The following WDR4 variants were observed in gnomAD, a reference collection of about 807,000 sequenced individuals.
WDR4 encodes WDR4 tRNA N7-guanosine methyltransferase non-catalytic subunit.
In WDR4, 47 loss-of-function variants were observed where a neutral mutation model predicts 48.6. That is an observed-to-expected ratio of 0.97 (90% CI 0.77 to 1.23). The LOEUF (loss-of-function observed/expected upper bound fraction) is 1.23, where lower values mean the gene tolerates loss of function less well. Ranked by LOEUF, WDR4 falls within the 50% of genes most tolerant of loss-of-function variation. The pLI, the probability that WDR4 is intolerant of heterozygous loss-of-function variation, is 0.00. For synonymous variants in WDR4, 268 were observed against 230.0 expected, an observed-to-expected ratio of 1.17 and a Z score of -1.49; for missense variants, 606 against 551.6, an observed-to-expected ratio of 1.10 and a Z score of -0.99.
chr21:42,891,080 T>C, the WDR4 span, among the ~76,000 whole-genome samples: 1 of 152,156 alleles, frequency 6.6e-6, no homozygotes, highest in Non-Finnish European at 1.5e-5. Flanking sequence ...CCCAGCACTT[T>C]GGGAGGCCGA....
intron 1 of WDR4, 42 bp downstream of exon 1, chr21:42,879,344 TCGCCAGGACCCGACGCGCGCC>T (rs2058578447): frequency 6.4e-7 from 1 of 1,565,338 alleles, no homozygotes; most frequent in Non-Finnish European, 8.7e-7. Flanking sequence ...AGAAGCGGGG[TCGCCAGGACCCGACGCGCGCC>T]CGCAGCCTGG....
rs1048868557 is a variant in WDR4, at chr21:42,874,924, G to A, written c.156-1233C>T. ...TGATCTCTGTGACCCACACCTATTC[G>A]TACACTCCCTCCCCTTCTGAAAATC... On this transcript the variant is annotated intron_variant, in intron 2 of 10. Transcript: ENST00000398208. Among the ~76,000 whole-genome samples, 7 of 152,048 alleles carry A rather than the reference G, an allele frequency of 4.6e-5. No homozygotes were observed. In the East Asian group the frequency reaches 7.7e-4, roughly 17 times the overall value.
upstream of WDR4, among the ~76,000 whole-genome samples, chr21:42,883,337 C>T (rs527427720): frequency 1.1e-4 from 12 of 108,326 alleles, no homozygotes; most frequent in African/African-American, 3.9e-4. Flanking sequence ...TTTTTACAAA[C>T]TGGCAAGACG....
intron 9 of WDR4, among the ~76,000 whole-genome samples, chr21:42,853,327 A>G (rs189388887): frequency 6.6e-6 from 1 of 152,250 alleles, no homozygotes; most frequent in Non-Finnish European, 1.5e-5. Flanking sequence ...CACTCACCCA[A>G]AAAAAGAACT....
At chr21:42,851,470 C>T in intron 10 of WDR4, among the ~76,000 whole-genome samples, 1 of 152,206 alleles carries the variant, frequency 6.6e-6, no homozygotes, top group East Asian at 1.9e-4. Context: ...CTCCAGAGCT[C>T]CAAGGAACCT....
chr21:42,843,829 G>T (rs948525590), intron 11 of WDR4, among the ~76,000 whole-genome samples: 1 of 152,016 alleles, frequency 6.6e-6, no homozygotes, highest in Non-Finnish European at 1.5e-5. Context: ...AAAATGCTGG[G>T]ATTACAGGCG....
At position 42,852,252 on chromosome 21, in the gene WDR4, C is replaced by G. The variant is rs753601640; in HGVS notation, c.1045+3G>C. 1.2e-6 allele frequency: 2 copies of G among 1,613,984 alleles called. No homozygotes were observed. Among genetic ancestry groups the G allele is most frequent in the African/African-American group, 1.3e-5 (1 of 74,950 alleles). On this transcript the variant is annotated splice_donor_region_variant and intron_variant, in intron 10 of 10. Coordinates refer to ENST00000398208, the MANE Select transcript of WDR4 (RefSeq NM_018669.6). ...CAAGGGCAGCCTGCACCCGTGCTCT[C>G]ACCTTCCAGCATGGCCCAGTTCCCA...
intron 6 of WDR4, among the ~76,000 whole-genome samples, 184 bp downstream of exon 6, chr21:42,859,476 CCA>C (rs2058065672): frequency 6.6e-6 from 1 of 152,058 alleles, no homozygotes; most frequent in Non-Finnish European, 1.5e-5. Context: ...TACGCACACC[CCA>C]CACGCAGTCC....
intron 3 of WDR4, among the ~76,000 whole-genome samples, chr21:42,869,758 C>A (rs2058327627): frequency 6.6e-6 from 1 of 152,138 alleles, no homozygotes; most frequent in African/African-American, 2.4e-5. Flanking sequence ...ACCTGTAATC[C>A]CGGCACCCTG....
rs993802920 is a variant in WDR4 at position 42,873,785 on chromosome 21, A to G, written c.156-94T>C. ...GCGTGGTAATTTCTAACATGGGAGG[A>G]GGTAGAAACTGTTAAGGGGATCACG... On this transcript the variant is annotated intron_variant, in intron 2 of 10. Coordinates refer to ENST00000398208, the MANE Select transcript of WDR4 (RefSeq NM_018669.6). 4.9e-5 allele frequency: 73 copies of G among 1,475,198 alleles called. No individual in the cohort carries two copies. In the Middle Eastern group the frequency reaches 8.8e-4, roughly 18 times the overall value. 91.4% of individuals were successfully genotyped at this position (1,475,198 alleles called of 1,614,324 possible). A position where few individuals can be genotyped will look rare whatever the true frequency, so the allele number is the denominator to read the frequency against.
chr21:42,855,660 A>C, intron 7 of WDR4, 22 bp downstream of exon 7: 1 of 1,530,976 alleles, frequency 6.5e-7, no homozygotes, highest in Non-Finnish European at 8.8e-7. Flanking sequence ...TCAGTCGCCC[A>C]GGAGTGAACA....
chr21:42,863,571 G>C lies in WDR4; in HGVS notation c.322C>G (p.Leu108Val), dbSNP rs778623204. The C allele has an allele frequency of 1.3e-5, 21 of 1,613,866 alleles. No homozygotes were observed. Among genetic ancestry groups the C allele is most frequent in the Non-Finnish European group, 1.5e-5 (18 of 1,179,946 alleles). The change falls in exon 4 of 11, where the codon CTG becomes GTG. Residue 108 changes from leucine (L) to valine (V), a missense_variant. By Grantham distance (32) the Leu-to-Val change is conservative (BLOSUM62 1). Coordinates refer to ENST00000398208, the MANE Select transcript of WDR4 (RefSeq NM_018669.6). ...VRTVARRCTA[L>V]TFIASEEKVL... ...TTCTCCTCCGAGGCTATGAAAGTCA[G>C]GGCTGTACACCTCCTTGCCACGGTC...
At chr21:42,843,213 C>T (rs1437079239) in exon 12 of WDR4, 2 of 152,146 alleles carry the variant, frequency 1.3e-5, no homozygotes, top group East Asian at 3.9e-4. Context: ...AGCTCATCGT[C>T]GGCCGACAGA....
upstream of WDR4, among the ~76,000 whole-genome samples, chr21:42,884,200 T>C (rs1294684769): frequency 6.6e-6 from 1 of 152,244 alleles, no homozygotes; most frequent in East Asian, 1.9e-4. Context: ...CAGTTTGGGA[T>C]TTCCCACCTT....
chr21:42,848,023 AGAG>A (rs1463128823), downstream of WDR4, among the ~76,000 whole-genome samples: 1 of 152,236 alleles, frequency 6.6e-6, no homozygotes, highest in African/African-American at 2.4e-5. Context: ...TCCCCAGCAG[AGAG>A]GAGTGGGCCT....
downstream of WDR4, among the ~76,000 whole-genome samples, chr21:42,844,378 C>T (rs903162961): frequency 1.3e-4 from 20 of 152,194 alleles, no homozygotes; most frequent in African/African-American, 3.9e-4. Context: ...CCGCAGAATA[C>T]ATACATGATG....
In WDR4 at chr21:42,876,563, C is replaced by G. The variant is rs2058497048; in HGVS notation, c.155+139G>C. The G allele has an allele frequency of 6.7e-6, 5 of 746,184 alleles. No individual in the cohort carries two copies. The African/African-American group carries it at 7.2e-5, about 11-fold the overall frequency. The allele number at this position is 746,184 out of a possible 1,614,324, so 46.2% of individuals were successfully genotyped here. A position where few individuals can be genotyped will look rare whatever the true frequency, so the allele number is the denominator to read the frequency against. On this transcript the variant is annotated intron_variant, in intron 2 of 10. Coordinates refer to ENST00000398208, the MANE Select transcript of WDR4 (RefSeq NM_018669.6). ...CTAAAAGTTACTTTTACATGTCTCT[C>G]CTGAGGTGCTACTTATCTGCACCAC...
chr21:42,860,936 G>A (rs1016140878), intron 5 of WDR4, among the ~76,000 whole-genome samples: 3 of 152,152 alleles, frequency 2.0e-5, no homozygotes, highest in Non-Finnish European at 4.4e-5. Context: ...GCACAGAACA[G>A]CACATCCAGC....
chr21:42,844,495 T>C (rs758824599), downstream of WDR4, among the ~76,000 whole-genome samples: 3 of 152,190 alleles, frequency 2.0e-5, no homozygotes, highest in Non-Finnish European at 4.4e-5. Flanking sequence ...ACGGAGGCGC[T>C]GAGGCCTCGG....
Sources: gnomAD v4.1 joint callset for allele counts (sites outside exome capture counted in the v4.1 genomes callset) on GRCh38, gnomAD v4.1.1 for gene constraint, MANE v1.5 for transcripts, NCBI Gene and HGNC (gene_info 2026-07-23, HGNC 2026-07-21) for gene names.